RXFP1: variants seen among roughly 807,000 people sequenced by gnomAD.
RXFP1 encodes the protein relaxin receptor 1.
In RXFP1, 73 loss-of-function variants were observed where a neutral mutation model predicts 89.8. That is an observed-to-expected ratio of 0.81 (90% CI 0.67 to 0.99). The LOEUF is 0.99. Among genes scored for constraint, RXFP1 ranks in the 50% least tolerant of loss-of-function variants. RXFP1 has a pLI of 0.00. For missense variants in RXFP1, 793 were observed against 895.5 expected, an observed-to-expected ratio of 0.89 and a Z score of 1.46; for synonymous variants, 277 against 305.5, an observed-to-expected ratio of 0.91 and a Z score of 0.97.
In RXFP1 at chr4:158,555,002, TTTAA is replaced by T. The variant is rs1176854824; in HGVS notation, c.50-17689_50-17686del. Reference sequence around the variant, plus strand: ...AAATCTGATGCTTGGCAGAAAATATTTTAATTAATTTATCAATTACACTCTTACT... The same window carrying T: ...AAATCTGATGCTTGGCAGAAAATATTTTAATTTATCAATTACACTCTTACT... On this transcript the variant is annotated intron_variant, in intron 1 of 17. Transcript: ENST00000307765. 5.9e-5 allele frequency among the ~76,000 whole-genome samples: 9 copies of T among 152,140 alleles called. No homozygotes were observed. The South Asian group carries it at 6.2e-4, about 11-fold the overall frequency.
At chr4:158,598,512 G>T (rs1204093091) in intron 3 of RXFP1, among the ~76,000 whole-genome samples, 1 of 152,104 alleles carries the variant, frequency 6.6e-6, no homozygotes, top group African/African-American at 2.4e-5. Context: ...TTCCCCATCA[G>T]AGCAGGAATC....
chr4:158,618,573 A>G (rs960170275), intron 9 of RXFP1, among the ~76,000 whole-genome samples: 1 of 152,062 alleles, frequency 6.6e-6, no homozygotes, highest in African/African-American at 2.4e-5. Flanking sequence ...TAATAATAAT[A>G]CTTTGCTTTA....
At chr4:158,608,150 C>A in intron 6 of RXFP1, 107 bp downstream of exon 6, 1 of 704,580 alleles carries the variant, frequency 1.4e-6, no homozygotes, top group Non-Finnish European at 2.4e-6. Flanking sequence ...AGGAGCCATG[C>A]AAGTGATGCT....
rs758893756 is a variant in RXFP1, at chr4:158,652,880, G to A, written c.*825G>A. ...CAGTTAACTGATTTTCAACAAGGAT[G>A]CCAAGACAAAAAGGCTTTTCAACAA... On this transcript the variant is annotated 3_prime_UTR_variant, in exon 18 of 18. Transcript: ENST00000307765. 6.6e-6 allele frequency: 1 copy of A among 152,176 alleles called. No homozygotes were observed. Among genetic ancestry groups the A allele is most frequent in the Non-Finnish European group, 1.5e-5 (1 of 68,028 alleles). The allele number at this position is 152,176 out of a possible 1,614,324, so 9.4% of individuals were successfully genotyped here.
chr4:158,567,789 C>T (rs1753939061), intron 1 of RXFP1, among the ~76,000 whole-genome samples: 1 of 152,146 alleles, frequency 6.6e-6, no homozygotes, highest in East Asian at 1.9e-4. Flanking sequence ...GTAAAACAGA[C>T]CAATCGGCTC....
intron 5 of RXFP1, chr4:158,607,040 A>G: frequency 6.5e-7 from 1 of 1,531,368 alleles, no homozygotes; most frequent in South Asian, 1.2e-5. Context: ...TTGCATATAA[A>G]CTTTCAGGAC....
chr4:158,594,073 G>A (rs1760061142), intron 3 of RXFP1, among the ~76,000 whole-genome samples: 1 of 152,178 alleles, frequency 6.6e-6, no homozygotes, highest in South Asian at 2.1e-4. Context: ...AATTTTGTCA[G>A]TTCTAATACA....
intron 2 of RXFP1, among the ~76,000 whole-genome samples, chr4:158,587,990 T>C (rs1396276989): frequency 6.6e-6 from 1 of 152,128 alleles, no homozygotes; most frequent in East Asian, 1.9e-4. Context: ...AAAAGTAAAC[T>C]TGCCAAAAGG....
intron 15 of RXFP1, among the ~76,000 whole-genome samples, chr4:158,645,746 A>G (rs1028072533): frequency 6.6e-6 from 1 of 152,238 alleles, no homozygotes; most frequent in Non-Finnish European, 1.5e-5. Context: ...CAAGTGTTCT[A>G]GAATTTATCC....
intron 1 of RXFP1, among the ~76,000 whole-genome samples, chr4:158,536,956 A>G (rs2149812385): frequency 6.6e-6 from 1 of 151,758 alleles, no homozygotes; most frequent in South Asian, 2.1e-4. Context: ...GAATGCACAA[A>G]GTTTTGTTTA....
intron 1 of RXFP1, among the ~76,000 whole-genome samples, chr4:158,549,984 A>T (rs935561484): frequency 1.3e-5 from 2 of 152,222 alleles, no homozygotes; most frequent in African/African-American, 4.8e-5. Flanking sequence ...AAGCTGTCAG[A>T]CAGGGATATT....
chr4:158,644,281 C>T (rs993845883), intron 14 of RXFP1, among the ~76,000 whole-genome samples: 1 of 152,036 alleles, frequency 6.6e-6, no homozygotes, highest in Admixed American at 6.6e-5. Context: ...ATCCTGACCT[C>T]GTGATCCACC....
chr4:158,540,137 A>T (rs1746248796), intron 1 of RXFP1, among the ~76,000 whole-genome samples: 1 of 152,126 alleles, frequency 6.6e-6, no homozygotes, highest in Non-Finnish European at 1.5e-5. Context: ...CGCAAGAAAG[A>T]ATTTGGGGCA....
In RXFP1 at chr4:158,605,125, T is replaced by C; in HGVS notation, c.450T>C (p.His150=). Residue 150 remains histidine (H), a synonymous_variant, in exon 5 of 18, where the codon CAT becomes CAC. Transcript: ENST00000307765. ...KLPPDCFKNY[H]DLQKLYLQNN... ...CTCCTGATTGCTTCAAGAATTATCATGATCTTCAGAAGCTGTAAGAAAATA... is the reference window on the plus strand; with the variant it reads ...CTCCTGATTGCTTCAAGAATTATCACGATCTTCAGAAGCTGTAAGAAAATA... 1 of 1,589,648 alleles carries C rather than the reference T, an allele frequency of 6.3e-7. No homozygotes were observed. The highest frequency in any genetic ancestry group is 8.6e-7 in the Non-Finnish European group (1 of 1,161,328).
intron 2 of RXFP1, among the ~76,000 whole-genome samples, chr4:158,583,196 A>G (rs968391300): frequency 6.6e-6 from 1 of 152,236 alleles, no homozygotes; most frequent in Non-Finnish European, 1.5e-5. Flanking sequence ...GTGATGATAC[A>G]TATTTTCAAA....
chr4:158,609,868 A>T (rs1473692068), intron 6 of RXFP1, among the ~76,000 whole-genome samples: 1 of 152,196 alleles, frequency 6.6e-6, no homozygotes, highest in Non-Finnish European at 1.5e-5. Context: ...TGTTCAGTGA[A>T]TGTGGAGGAA....
Position 158,540,755 on chromosome 4 carries a change from C to T in RXFP1, c.49+18730C>T, listed in dbSNP as rs114910873. Among the ~76,000 whole-genome samples the T allele has an allele frequency of 5.1e-3, 779 of 152,104 alleles. 10 individuals are homozygous for T. The highest frequency in any genetic ancestry group is 0.018 in the African/African-American group (737 of 41,480). On this transcript the variant is annotated intron_variant, in intron 1 of 17. Coordinates refer to ENST00000307765, the MANE Select transcript of RXFP1 (RefSeq NM_021634.4). ...CTGGGAATGTCTAAGAATGACCCTC[C>T]CTGCCCCGCAGCAGCCACACCTTAG...
chr4:158,607,069 G>C (rs1214115936), intron 5 of RXFP1: 1 of 1,535,748 alleles, frequency 6.5e-7, no homozygotes. Flanking sequence ...GAACAATGGT[G>C]ACCTGCACTC....
At chr4:158,575,352 A>G (rs759435845) in intron 2 of RXFP1, among the ~76,000 whole-genome samples, 92 of 152,280 alleles carry the variant, frequency 6.0e-4, no homozygotes, top group South Asian at 1.2e-3. Flanking sequence ...TCTTTTCTAT[A>G]AAACAGGAAT....
Sources: gnomAD v4.1 joint callset for allele counts (sites outside exome capture counted in the v4.1 genomes callset) on GRCh38, gnomAD v4.1.1 for gene constraint, MANE v1.5 for transcripts, NCBI Gene and HGNC (gene_info 2026-07-23, HGNC 2026-07-21) for gene names.